Variants in KIF26B observed in about 807,000 individuals in gnomAD.
The protein encoded by KIF26B is kinesin-like protein KIF26B.
In KIF26B, 63 loss-of-function variants were observed where a neutral mutation model predicts 151.2. The ratio of observed to expected loss-of-function variants is 0.42; its 90% CI spans 0.34 to 0.51. The LOEUF is 0.51. Ranked by LOEUF, KIF26B falls within the 20% of genes least tolerant of loss-of-function variation. KIF26B has a pLI of 0.07. For missense variants in KIF26B, 2,813 were observed against 2,913.6 expected (o/e 0.97, Z 0.79); for synonymous variants, 1,357 against 1,262.1 (o/e 1.08, Z -1.59).
chr1:245,558,941 G>A (rs1042709194), intron 5 of KIF26B, among the ~76,000 whole-genome samples: 3 of 152,204 alleles, frequency 2.0e-5, no homozygotes, highest in African/African-American at 7.2e-5. Context: ...TGACCGGAGT[G>A]AAGGCAGAGT....
chr1:245,700,664 C>T (rs917788278), intron 14 of KIF26B, among the ~76,000 whole-genome samples: 7 of 152,300 alleles, frequency 4.6e-5, no homozygotes, highest in African/African-American at 1.7e-4. Flanking sequence ...AAACAGGAGG[C>T]ATTTCCTTCG....
At chr1:245,177,665 G>T (rs990354800) in intron 2 of KIF26B, among the ~76,000 whole-genome samples, 1 of 149,068 alleles carries the variant, frequency 6.7e-6, no homozygotes, top group Non-Finnish European at 1.5e-5. Flanking sequence ...TGTCCTTAGG[G>T]GTGTGTGTGT....
At chr1:245,356,964 G>A (rs1446492910) in intron 2 of KIF26B, among the ~76,000 whole-genome samples, 4 of 152,248 alleles carry the variant, frequency 2.6e-5, no homozygotes, top group Non-Finnish European at 5.9e-5. Flanking sequence ...ATCTGCAGGT[G>A]AGAGTTTTCT....
intron 4 of KIF26B, among the ~76,000 whole-genome samples, chr1:245,491,587 G>T (rs1237156453): frequency 1.3e-5 from 2 of 152,156 alleles, no homozygotes. Flanking sequence ...AAAACGAGGA[G>T]CTGTAAACTG....
Position 245,488,808 on chromosome 1 carries a change from A to C in KIF26B, c.1167-51959A>C, listed in dbSNP as rs2103072808. Among the ~76,000 whole-genome samples, 1 of 152,286 alleles carries C rather than the reference A, an allele frequency of 6.6e-6. No individual in the cohort carries two copies. The highest frequency in any genetic ancestry group is 2.1e-4 in the South Asian group (1 of 4,818). On this transcript the variant is annotated intron_variant, in intron 4 of 14. Transcript: ENST00000407071. This position sits in a 1 kb window ranked among gnomAD's most constrained non-coding sequence, Gnocchi z 4.6. The stretch of plus-strand genomic sequence containing the variant: ...TAAAATCAGAGGGCAGATCTTTAAG[A>C]GGTTAATTTTGTGAGTGAGTCCTTA...
At chr1:245,242,302 T>C (rs950620022) in intron 2 of KIF26B, among the ~76,000 whole-genome samples, 1 of 152,186 alleles carries the variant, frequency 6.6e-6, no homozygotes, top group African/African-American at 2.4e-5. Flanking sequence ...CTATGCCGTA[T>C]GTACTTCAAA....
Position 245,687,659 on chromosome 1 carries a change from C to T in KIF26B, c.4676C>T (p.Ala1559Val), listed in dbSNP as rs763049831. 6 of 1,575,246 alleles carry T rather than the reference C, an allele frequency of 3.8e-6. No homozygotes were observed. Among genetic ancestry groups the T allele is most frequent in the Non-Finnish European group, 5.2e-6 (6 of 1,160,840 alleles). ...EPDSLSYYCA[A>V]ETNGVGAASG... ...GACAGCCTCTCCTATTACTGCGCTG[C>T]TGAGACCAACGGGGTGGGTGCAGCC... Residue 1559 changes from alanine (A) to valine (V), a missense_variant, in exon 12 of 15, where the codon GCT (alanine) becomes GTT (valine). By Grantham distance (64) the Ala-to-Val change is moderately conservative (BLOSUM62 0). Transcript: ENST00000407071. The surrounding 1 kb of genome is among the most constrained non-coding windows in gnomAD (Gnocchi z 4.9).
At position 245,492,725 on chromosome 1, in the gene KIF26B, T is replaced by G. The variant is rs568813706; in HGVS notation, c.1167-48042T>G. Among the ~76,000 whole-genome samples the G allele has an allele frequency of 5.9e-5, 9 of 152,298 alleles. No homozygotes were observed. The East Asian group carries it at 1.7e-3, about 29-fold the overall frequency. ...AGTTCAAAGTAGGTGGGGCTATAGGTTTTCTCCTACAAAACCTTGTTTCCA... is the reference window on the plus strand; with the variant it reads ...AGTTCAAAGTAGGTGGGGCTATAGGGTTTCTCCTACAAAACCTTGTTTCCA... On this transcript the variant is annotated intron_variant, in intron 4 of 14. Coordinates refer to ENST00000407071, the MANE Select transcript of KIF26B (RefSeq NM_018012.4).
At chr1:245,192,120 T>G (rs1212360072) in intron 2 of KIF26B, among the ~76,000 whole-genome samples, 3 of 152,092 alleles carry the variant, frequency 2.0e-5, no homozygotes, top group African/African-American at 7.2e-5. Context: ...AAAATAATTA[T>G]AAAGAATTAG....
Position 245,457,171 on chromosome 1 carries a change from A to AGGGG in KIF26B, c.1166+37426_1166+37427insGGGG, listed in dbSNP as rs1385003856. Among the ~76,000 whole-genome samples, 88 of 152,314 alleles carry AGGGG rather than the reference A, an allele frequency of 5.8e-4. 1 individual carries two copies. In the East Asian group the frequency reaches 7.5e-3, roughly 13 times the overall value. On this transcript the variant is annotated intron_variant, in intron 4 of 14. Coordinates refer to ENST00000407071, the MANE Select transcript of KIF26B (RefSeq NM_018012.4). ...ATGAGCCACTGCACCCAGCCCATAA[A>AGGGG]TGCTTTTTTAATGAGAGAATGACCT...
intron 4 of KIF26B, among the ~76,000 whole-genome samples, chr1:245,467,349 T>C (rs1659818191): frequency 6.6e-6 from 1 of 152,242 alleles, no homozygotes; most frequent in Non-Finnish European, 1.5e-5. Context: ...TTCCAGGCAG[T>C]GGTGCCTGAT....
chr1:245,296,599 C>T (rs1463109651), intron 2 of KIF26B, among the ~76,000 whole-genome samples: 1 of 152,220 alleles, frequency 6.6e-6, no homozygotes, highest in African/African-American at 2.4e-5. Flanking sequence ...CCCCTGCTTT[C>T]CCATCGCCAT....
chr1:245,331,176 T>C lies in KIF26B; in HGVS notation c.466-35658T>C, dbSNP rs55773350. On this transcript the variant is annotated intron_variant, in intron 2 of 14. Transcript: ENST00000407071. ...CAGAGCCTGCTGCGGAGGCACAGGC[T>C]TCTCATTCCGCGCGAGTGACCGAGA... 1.6e-3 allele frequency among the ~76,000 whole-genome samples: 237 copies of C among 152,118 alleles called. 1 individual carries two copies. Among genetic ancestry groups the C allele is most frequent in the African/African-American group, 5.5e-3 (230 of 41,476 alleles).
chr1:245,171,763 G>A (rs1668713644), intron 2 of KIF26B, among the ~76,000 whole-genome samples: 1 of 152,148 alleles, frequency 6.6e-6, no homozygotes, highest in South Asian at 2.1e-4. Context: ...ATGGTTCTTG[G>A]GGTCTGGCCA....
chr1:245,255,310 C>A (rs114377942), intron 2 of KIF26B, among the ~76,000 whole-genome samples: 3 of 152,282 alleles, frequency 2.0e-5, no homozygotes, highest in East Asian at 3.9e-4. Context: ...CCAACACACC[C>A]TCTATCCATC....
intron 2 of KIF26B, among the ~76,000 whole-genome samples, chr1:245,246,179 C>T (rs966148684): frequency 6.6e-6 from 1 of 151,700 alleles, no homozygotes; most frequent in African/African-American, 2.4e-5. Flanking sequence ...TTAAGATTTA[C>T]AGCCGAATAA....
chr1:245,499,019 C>T (rs752435291), intron 4 of KIF26B, among the ~76,000 whole-genome samples: 3 of 152,048 alleles, frequency 2.0e-5, no homozygotes, highest in Non-Finnish European at 2.9e-5. Flanking sequence ...ATGAGGCAAC[C>T]GGTTGCCAGA....
chr1:245,337,639 A>G (rs1398648143), intron 2 of KIF26B, among the ~76,000 whole-genome samples: 3 of 152,060 alleles, frequency 2.0e-5, no homozygotes, highest in Non-Finnish European at 4.4e-5. Flanking sequence ...TGACTCACAT[A>G]TAGGAATTCA....
intron 2 of KIF26B, among the ~76,000 whole-genome samples, chr1:245,323,456 A>C (rs1671924797): frequency 6.6e-6 from 1 of 152,258 alleles, no homozygotes; most frequent in Non-Finnish European, 1.5e-5. Flanking sequence ...AATTATGAAC[A>C]AGTTTGGAAA....
Sources: allele counts gnomAD v4.1 joint callset (sites outside exome capture counted in the v4.1 genomes callset), GRCh38; gene constraint gnomAD v4.1.1; non-coding constraint Gnocchi (gnomAD v3.1); transcripts MANE v1.5; gene names NCBI Gene and HGNC (gene_info 2026-07-23, HGNC 2026-07-21).